DHRSX: variants seen among roughly 807,000 people sequenced by gnomAD.
DHRSX encodes polyprenol dehydrogenase.
A neutral mutation model predicts 34.0 loss-of-function variants in DHRSX; 31 were observed. That is an observed-to-expected ratio of 0.91 (90% CI 0.69 to 1.23). The LOEUF is 1.23. DHRSX is among the 50% of genes most tolerant of loss of function. DHRSX has a pLI of 0.00. For missense variants in DHRSX, 414 were observed against 428.1 expected (o/e 0.97, Z 0.29); for synonymous variants, 201 against 183.8 (o/e 1.09, Z -0.76).
rs914908270 is a variant in DHRSX, at chrX:2,307,806, A to T, written c.287-16203T>A. Among the ~76,000 whole-genome samples, 186 of 151,694 alleles carry T rather than the reference A, an allele frequency of 1.2e-3. 1 individual carries two copies. Among genetic ancestry groups the T allele is most frequent in the African/African-American group, 4.3e-3 (178 of 41,488 alleles). On this transcript the variant is annotated intron_variant, in intron 3 of 6. Coordinates refer to ENST00000334651, the MANE Select transcript of DHRSX (RefSeq NM_145177.3). ...AATAAAAATAAAAAAAATAAAATAA[A>T]AAACAAGGAAAAACAAAAGAGTATG... is the stretch of plus-strand genomic sequence containing the variant.
At chrX:2,485,962 G>C (rs753940187) in intron 1 of DHRSX, among the ~76,000 whole-genome samples, 1 of 151,718 alleles carries the variant, frequency 6.6e-6, no homozygotes, top group East Asian at 1.9e-4. Context: ...GAAGAAGAGA[G>C]GGAGGGTTGG....
intron 3 of DHRSX, among the ~76,000 whole-genome samples, chrX:2,352,257 C>G (rs934233834): frequency 6.8e-4 from 103 of 152,202 alleles, no homozygotes; most frequent in Non-Finnish European, 5.4e-4. Context: ...TATGAAAATG[C>G]ATGTGGCTTT....
intron 1 of DHRSX, chrX:2,489,690 A>T (rs757691458): frequency 6.2e-7 from 1 of 1,612,664 alleles, no homozygotes; most frequent in Non-Finnish European, 8.5e-7. Flanking sequence ...ACCAGCATGC[A>T]GTGGGCCACG....
chrX:2,244,532 T>C (rs770676227), intron 5 of DHRSX, among the ~76,000 whole-genome samples: 6 of 152,160 alleles, frequency 3.9e-5, no homozygotes, highest in African/African-American at 4.8e-5. Flanking sequence ...ATTGGCCTCA[T>C]AGTTCTTTTC....
chrX:2,233,149 T>C (rs1043750948), intron 6 of DHRSX, among the ~76,000 whole-genome samples: 2 of 152,162 alleles, frequency 1.3e-5, no homozygotes, highest in Admixed American at 1.3e-4. Context: ...GCCGACCTCC[T>C]GTGTAGAGCA....
At chrX:2,303,793 G>A (rs1370136069) in intron 3 of DHRSX, among the ~76,000 whole-genome samples, 70 of 35,714 alleles carry the variant, frequency 2.0e-3, no homozygotes, top group African/African-American at 2.7e-3. Context: ...GGATGGATGG[G>A]TGGGTGGGTG....
At chrX:2,370,460 C>T (rs1344591815) in intron 3 of DHRSX, among the ~76,000 whole-genome samples, 1 of 152,072 alleles carries the variant, frequency 6.6e-6, no homozygotes, top group Non-Finnish European at 1.5e-5. Context: ...TCTGAGCCAC[C>T]GCGCCCAGCT....
rs758563938 is a variant in DHRSX at position 2,388,788 on chromosome X, C to T, written c.286+19957G>A. ...GCCTTGCCCATACCCTGATCTCAGA[C>T]ATCCAGCCTCCAGGACTGTGGGAGA... On this transcript the variant is annotated intron_variant, in intron 3 of 6. Coordinates refer to ENST00000334651, the MANE Select transcript of DHRSX (RefSeq NM_145177.3). Among the ~76,000 whole-genome samples, 38 of 150,778 alleles carry T rather than the reference C, an allele frequency of 2.5e-4. No individual in the cohort carries two copies. In the South Asian group the frequency reaches 7.8e-3, roughly 31 times the overall value.
chrX:2,423,149 A>G (rs886609918), intron 2 of DHRSX, among the ~76,000 whole-genome samples: 6 of 150,130 alleles, frequency 4.0e-5, no homozygotes, highest in African/African-American at 1.5e-4. Context: ...ACGGTGGTTC[A>G]TGACTGTAAT....
intron 1 of DHRSX, among the ~76,000 whole-genome samples, chrX:2,454,842 G>T (rs1466756783): frequency 1.3e-5 from 2 of 152,082 alleles, no homozygotes; most frequent in East Asian, 3.9e-4. Flanking sequence ...GTTGGGCGTG[G>T]TGGCTCACGC....
chrX:2,474,888 C>A (rs1377448872), intron 1 of DHRSX, among the ~76,000 whole-genome samples: 3 of 147,208 alleles, frequency 2.0e-5, no homozygotes, highest in Non-Finnish European at 4.5e-5. Flanking sequence ...CCTAAGAATG[C>A]GGCCAAGGGA....
At chrX:2,458,594 C>G (rs1216561111) in intron 1 of DHRSX, among the ~76,000 whole-genome samples, 1 of 152,086 alleles carries the variant, frequency 6.6e-6, no homozygotes, top group Admixed American at 6.6e-5. Flanking sequence ...AGACAAATAT[C>G]GTATCATCTC....
At chrX:2,310,314 T>C (rs2042147493) in intron 3 of DHRSX, among the ~76,000 whole-genome samples, 2 of 152,128 alleles carry the variant, frequency 1.3e-5, no homozygotes, top group South Asian at 4.1e-4. Context: ...TGCCGGAATT[T>C]GCCAAGAAGG....
rs1278645157 is a variant in DHRSX, at chrX:2,220,791, C to T, written c.*250G>A. The T allele has an allele frequency of 1.1e-5, 5 of 468,934 alleles. No homozygotes were observed. The East Asian group carries it at 1.5e-4, about 14-fold the overall frequency. 29.0% of individuals were successfully genotyped at this position (468,934 alleles called of 1,614,324 possible). On this transcript the variant is annotated 3_prime_UTR_variant, in exon 7 of 7. Coordinates refer to ENST00000334651, the MANE Select transcript of DHRSX (RefSeq NM_145177.3). ...TTGGAAAATGTAATTATTTATGGCA[C>T]CTGTGACAACTGGGCACTTTGGAAT...
At chrX:2,383,516 C>T (rs984912559) in intron 3 of DHRSX, among the ~76,000 whole-genome samples, 4 of 152,136 alleles carry the variant, frequency 2.6e-5, no homozygotes, top group African/African-American at 9.7e-5. Flanking sequence ...CTACCACCAT[C>T]ATCACAACCA....
intron 4 of DHRSX, among the ~76,000 whole-genome samples, chrX:2,287,453 C>T (rs1569484063): frequency 6.6e-6 from 1 of 152,100 alleles, no homozygotes; most frequent in Non-Finnish European, 1.5e-5. Flanking sequence ...TGAAGATGTC[C>T]ACATCCTAAT....
intron 2 of DHRSX, among the ~76,000 whole-genome samples, chrX:2,423,094 C>T (rs185709594): frequency 3.3e-5 from 5 of 151,358 alleles, no homozygotes; most frequent in Non-Finnish European, 5.9e-5. Flanking sequence ...TAAGCCACCA[C>T]GCCCAGCCGC....
chrX:2,472,988 G>A (rs68149221), intron 1 of DHRSX, among the ~76,000 whole-genome samples: 31,616 of 151,596 alleles, frequency 0.21, 4,443 homozygotes, highest in African/African-American at 0.4. Context: ...ACTTAATAAG[G>A]CACCTGGCTC....
At chrX:2,468,723 A>C (rs2123994432) in intron 1 of DHRSX, among the ~76,000 whole-genome samples, 1 of 151,844 alleles carries the variant, frequency 6.6e-6, no homozygotes, top group African/African-American at 2.4e-5. Context: ...AAAGGACGGC[A>C]CTGAAGACTT....
Sources: gnomAD v4.1 joint callset for allele counts (sites outside exome capture counted in the v4.1 genomes callset) on GRCh38, gnomAD v4.1.1 for gene constraint, MANE v1.5 for transcripts, NCBI Gene and HGNC (gene_info 2026-07-23, HGNC 2026-07-21) for gene names.